The following SIPA1L1 variants were observed in gnomAD, a reference collection of about 807,000 sequenced individuals.
The protein encoded by SIPA1L1 is signal induced proliferation associated 1 like 1, also known as signal-induced proliferation-associated 1-like protein 1.
A neutral mutation model predicts 162.7 loss-of-function variants in SIPA1L1; 26 were observed. The observed-to-expected ratio is 0.16, with a 90% confidence interval of 0.12 to 0.22. SIPA1L1 has a LOEUF of 0.22. Ranked by LOEUF, SIPA1L1 falls within the 10% of genes least tolerant of loss-of-function variation. The probability of loss-of-function intolerance (pLI) is 1.00; values close to 1 mark genes in which losing one functional copy is unlikely to be tolerated. For missense variants in SIPA1L1, 1,874 were observed against 2,241.0 expected (o/e 0.84, Z 3.31); for synonymous variants, 829 against 837.4 (o/e 0.99, Z 0.17).
At chr14:71,413,732 C>T (rs186395652) in intron 2 of SIPA1L1, among the ~76,000 whole-genome samples, 20 of 152,012 alleles carry the variant, frequency 1.3e-4, no homozygotes, top group Non-Finnish European at 2.2e-4. Flanking sequence ...AGCAAAACAC[C>T]GTCTAAAAAA....
intron 8 of SIPA1L1, among the ~76,000 whole-genome samples, chr14:71,654,824 A>G (rs968514640): frequency 6.6e-6 from 1 of 152,192 alleles, no homozygotes; most frequent in Non-Finnish European, 1.5e-5. Flanking sequence ...CTCTTCAACC[A>G]GATAAAAAAG....
intron 15 of SIPA1L1, among the ~76,000 whole-genome samples, chr14:71,703,407 T>C (rs2082226797): frequency 6.6e-6 from 1 of 152,190 alleles, no homozygotes; most frequent in Non-Finnish European, 1.5e-5. Flanking sequence ...GTACTAACCA[T>C]GGACATAGAA....
At chr14:71,562,001 A>G (rs1042980105) in intron 4 of SIPA1L1, among the ~76,000 whole-genome samples, 5 of 152,208 alleles carry the variant, frequency 3.3e-5, no homozygotes, top group African/African-American at 4.8e-5. Flanking sequence ...TTGTAAAATG[A>G]TACATTCTTG....
chr14:71,460,974 A>G (rs1003573457), intron 2 of SIPA1L1, among the ~76,000 whole-genome samples: 1 of 152,208 alleles, frequency 6.6e-6, no homozygotes, highest in Non-Finnish European at 1.5e-5. Flanking sequence ...GAATTCCATG[A>G]GCATGAGCCC....
chr14:71,513,837 A>G (rs907740730), intron 3 of SIPA1L1, among the ~76,000 whole-genome samples: 1 of 152,154 alleles, frequency 6.6e-6, no homozygotes, highest in African/African-American at 2.4e-5. Flanking sequence ...TAGGGATGAC[A>G]GTTAGGGATG....
intron 18 of SIPA1L1, 101 bp downstream of exon 18, chr14:71,723,987 G>A (rs368814935): frequency 6.4e-6 from 9 of 1,402,074 alleles, no homozygotes; most frequent in Middle Eastern, 1.8e-4. Flanking sequence ...GCCGGGCTAG[G>A]GGGTTGGCAG....
chr14:71,350,579 G>T lies in SIPA1L1; in HGVS notation c.-465+29398G>T, dbSNP rs139949330. ...AAAGATTTTAAATATCCAGGGAGCAGAATGATCAGATTTGCATTGAAAAAG... is the reference window on the plus strand; with the variant it reads ...AAAGATTTTAAATATCCAGGGAGCATAATGATCAGATTTGCATTGAAAAAG... On this transcript the variant is annotated intron_variant, in intron 2 of 23. Coordinates refer to ENST00000381232, the MANE Select transcript of SIPA1L1 (RefSeq NM_001386936.1). 1.9e-4 allele frequency among the ~76,000 whole-genome samples: 29 copies of T among 152,222 alleles called. No individual in the cohort carries two copies. In the East Asian group the frequency reaches 5.6e-3, roughly 30 times the overall value.
Position 71,349,283 on chromosome 14 carries a change from A to G in SIPA1L1, c.-465+28102A>G, listed in dbSNP as rs556770592. ...TCTTCTCAGCCTCTCTGTGTTGAGC[A>G]TTACTTTTCTGCTGGGTGTGGGGCA... is the stretch of plus-strand genomic sequence containing the variant. On this transcript the variant is annotated intron_variant, in intron 2 of 23. Transcript: ENST00000381232. Among the ~76,000 whole-genome samples the G allele has an allele frequency of 5.7e-4, 87 of 152,310 alleles. 3 individuals carry two copies. The South Asian group carries it at 0.018, about 31-fold the overall frequency.
At chr14:71,424,202 A>G (rs2043394476) in intron 2 of SIPA1L1, among the ~76,000 whole-genome samples, 1 of 152,074 alleles carries the variant, frequency 6.6e-6, no homozygotes, top group South Asian at 2.1e-4. Context: ...TTCCACATGT[A>G]AGATTATATC....
chr14:71,704,566 C>T (rs2082310796), intron 15 of SIPA1L1, among the ~76,000 whole-genome samples: 3 of 152,092 alleles, frequency 2.0e-5, no homozygotes, highest in African/African-American at 7.2e-5. Context: ...GTTTCAGAGG[C>T]CCAGGATTCT....
Position 71,740,947 on chromosome 14 carries a change from T to G in SIPA1L1, c.*1786T>G, listed in dbSNP as rs951978763. On this transcript the variant is annotated 3_prime_UTR_variant, in exon 24 of 24. Transcript: ENST00000381232. ...TTTTGTTTGGGGACTTGGGGCAAGC[T>G]ATTTATTAGAGTTTTGCAACAGAGT... The G allele has an allele frequency of 1.4e-4, 21 of 152,234 alleles. No individual in the cohort carries two copies. The highest frequency in any genetic ancestry group is 6.3e-3 in the Middle Eastern group (2 of 316). 9.4% of individuals were successfully genotyped at this position (152,234 alleles called of 1,614,324 possible).
At chr14:71,562,316 TTTG>T (rs1265128478) in intron 4 of SIPA1L1, among the ~76,000 whole-genome samples, 2 of 152,066 alleles carry the variant, frequency 1.3e-5, no homozygotes, top group Non-Finnish European at 2.9e-5. Flanking sequence ...ATAATAATTT[TTTG>T]TTGTTTAAAA....
chr14:71,441,349 T>A (rs1313947435), intron 2 of SIPA1L1, among the ~76,000 whole-genome samples: 1 of 152,214 alleles, frequency 6.6e-6, no homozygotes, highest in African/African-American at 2.4e-5. Flanking sequence ...TTCCCTAGGC[T>A]GGCTTCCATA....
intron 2 of SIPA1L1, among the ~76,000 whole-genome samples, chr14:71,504,373 A>G (rs909347543): frequency 1.3e-5 from 2 of 152,208 alleles, no homozygotes; most frequent in Non-Finnish European, 2.9e-5. Flanking sequence ...AGAATCAGAA[A>G]TCTGGTGAAA....
intron 2 of SIPA1L1, among the ~76,000 whole-genome samples, chr14:71,345,283 T>C (rs2036040717): frequency 6.6e-6 from 1 of 152,172 alleles, no homozygotes; most frequent in Non-Finnish European, 1.5e-5. Context: ...TCTCCGTGCA[T>C]ACTCATGCTC....
At chr14:71,589,625 C>T (rs2035012156) in intron 5 of SIPA1L1, among the ~76,000 whole-genome samples, 1 of 152,038 alleles carries the variant, frequency 6.6e-6, no homozygotes, top group Non-Finnish European at 1.5e-5. Context: ...TTTGACTTAG[C>T]GATTGAAATT....
At chr14:71,723,977 G>T (rs2083996736) in intron 18 of SIPA1L1, 91 bp downstream of exon 18, 2 of 1,493,686 alleles carry the variant, frequency 1.3e-6, no homozygotes, top group East Asian at 2.3e-5. Flanking sequence ...AACAAAAGAG[G>T]CCGGGCTAGG....
rs985233367 is a variant in SIPA1L1, at chr14:71,510,177, C to CTTTTTT, written c.-464-2547_-464-2542dup. 4.3e-3 allele frequency among the ~76,000 whole-genome samples: 332 copies of CTTTTTT among 77,516 alleles called. 3 individuals are homozygous for CTTTTTT. Among genetic ancestry groups the CTTTTTT allele is most frequent in the East Asian group, 0.015 (28 of 1,912 alleles). The allele number at this position is 77,516 out of a possible 152,430, so 50.9% of individuals were successfully genotyped here. ...GCTAGTTCCCCTTAATCCCCCCCACCTTTTTTTTTTTTTTTTTTTTTTTTG... is the reference window on the plus strand; with the variant it reads ...GCTAGTTCCCCTTAATCCCCCCCACCTTTTTTTTTTTTTTTTTTTTTTTTTTTTTTG... On this transcript the variant is annotated intron_variant, in intron 2 of 23. Coordinates refer to ENST00000381232, the MANE Select transcript of SIPA1L1 (RefSeq NM_001386936.1).
intron 2 of SIPA1L1, among the ~76,000 whole-genome samples, chr14:71,395,832 G>C (rs2041149236): frequency 6.6e-6 from 1 of 152,188 alleles, no homozygotes; most frequent in Non-Finnish European, 1.5e-5. Context: ...CCAAGTACTT[G>C]CTAGAAACTC....
Sources: allele counts gnomAD v4.1 joint callset (sites outside exome capture counted in the v4.1 genomes callset), GRCh38; gene constraint gnomAD v4.1.1; transcripts MANE v1.5; gene names NCBI Gene and HGNC (gene_info 2026-07-23, HGNC 2026-07-21).